The following SND1 variants were observed in gnomAD, a reference collection of about 807,000 sequenced individuals.
SND1 encodes staphylococcal nuclease and tudor domain containing 1, also known as staphylococcal nuclease domain-containing protein 1.
SND1 carries 38 observed loss-of-function variants against 121.7 expected under a neutral mutation model. The observed-to-expected ratio is 0.31, with a 90% confidence interval of 0.24 to 0.41. The LOEUF (loss-of-function observed/expected upper bound fraction) is 0.41, where lower values mean the gene tolerates loss of function less well. Among genes scored for constraint, SND1 ranks in the 10% least tolerant of loss-of-function variants. The pLI, the probability that SND1 is intolerant of heterozygous loss-of-function variation, is 1.00. For synonymous variants in SND1, 401 were observed against 447.4 expected (o/e 0.90, Z 1.31); for missense variants, 868 against 1,184.6 (o/e 0.73, Z 3.92).
intron 10 of SND1, among the ~76,000 whole-genome samples, chr7:127,795,549 C>T (rs941222128): frequency 1.3e-5 from 2 of 152,098 alleles, no homozygotes; most frequent in African/African-American, 2.4e-5. Context: ...TATATGTGTT[C>T]TGTAAGGATT....
At chr7:127,955,363 G>GAT (rs1801567703) in intron 15 of SND1, among the ~76,000 whole-genome samples, 1 of 152,116 alleles carries the variant, frequency 6.6e-6, no homozygotes, top group East Asian at 1.9e-4. Context: ...TTAGGGCACT[G>GAT]ATATATATCT....
intron 16 of SND1, among the ~76,000 whole-genome samples, chr7:128,000,297 A>G (rs1252818668): frequency 1.3e-5 from 2 of 152,022 alleles, no homozygotes; most frequent in African/African-American, 4.8e-5. Flanking sequence ...TGTTTTCAGA[A>G]GAACTTCTGA....
intron 9 of SND1, among the ~76,000 whole-genome samples, chr7:127,710,971 C>T (rs1257653794): frequency 6.6e-6 from 1 of 151,832 alleles, no homozygotes; most frequent in Non-Finnish European, 1.5e-5. Context: ...TTTTGTTTTC[C>T]CTGGAGTTAA....
chr7:127,913,980 C>T (rs1800514682), intron 14 of SND1, among the ~76,000 whole-genome samples: 1 of 152,206 alleles, frequency 6.6e-6, no homozygotes, highest in Non-Finnish European at 1.5e-5. Context: ...GCAGTGTTAA[C>T]ATCCAGATAT....
intron 1 of SND1, among the ~76,000 whole-genome samples, chr7:127,668,145 C>T (rs1241313337): frequency 6.6e-6 from 1 of 152,256 alleles, no homozygotes; most frequent in Non-Finnish European, 1.5e-5. Context: ...TGTAGACCCT[C>T]AGACCCTACC....
intron 16 of SND1, among the ~76,000 whole-genome samples, chr7:127,994,576 A>AC (rs1802597476): frequency 6.7e-6 from 1 of 148,458 alleles, no homozygotes; most frequent in Non-Finnish European, 1.5e-5. Flanking sequence ...AAAAAAAAAA[A>AC]AAAAAAAAAC....
At chr7:127,757,516 A>G (rs553820361) in intron 10 of SND1, among the ~76,000 whole-genome samples, 55 of 152,326 alleles carry the variant, frequency 3.6e-4, no homozygotes, top group Admixed American at 3.6e-3. Context: ...CAATGTTACT[A>G]TATGGAAAGT....
At chr7:127,812,653 C>T (rs1218047345) in intron 11 of SND1, among the ~76,000 whole-genome samples, 1 of 152,176 alleles carries the variant, frequency 6.6e-6, no homozygotes, top group African/African-American at 2.4e-5. Context: ...GAGAATAGAT[C>T]TCCGAAGGTA....
chr7:127,973,121 T>A (rs1802037644), intron 15 of SND1, among the ~76,000 whole-genome samples: 1 of 152,144 alleles, frequency 6.6e-6, no homozygotes, highest in Non-Finnish European at 1.5e-5. Context: ...GCAGCCCTGT[T>A]TAAGGAGGCT....
chr7:127,894,809 CTTT>C (rs11302537), intron 13 of SND1, among the ~76,000 whole-genome samples: 2 of 141,568 alleles, frequency 1.4e-5, no homozygotes. Flanking sequence ...CTCTTTATTC[CTTT>C]TTTTTTTTTT....
chr7:128,008,419 A>C (rs1425611014), intron 16 of SND1, among the ~76,000 whole-genome samples: 1 of 151,880 alleles, frequency 6.6e-6, no homozygotes, highest in Non-Finnish European at 1.5e-5. Flanking sequence ...GCCCGGAGGA[A>C]ACCAAGGAGT....
chr7:127,843,273 G>A (rs1798997571), intron 11 of SND1, among the ~76,000 whole-genome samples: 1 of 152,056 alleles, frequency 6.6e-6, no homozygotes, highest in African/African-American at 2.4e-5. Context: ...TAGGGTTTGT[G>A]CTTGGTGTTA....
intron 11 of SND1, among the ~76,000 whole-genome samples, chr7:127,834,505 T>C (rs1798829505): frequency 6.6e-6 from 1 of 152,216 alleles, no homozygotes; most frequent in African/African-American, 2.4e-5. Context: ...GGATGGTCTT[T>C]GATCGGTGTC....
chr7:127,826,917 A>G (rs953752158), intron 11 of SND1, among the ~76,000 whole-genome samples: 2 of 152,188 alleles, frequency 1.3e-5, no homozygotes, highest in Non-Finnish European at 2.9e-5. Context: ...TGTGTCATTC[A>G]TTTCTTTTAA....
At chr7:127,896,284 C>G (rs974786841) in intron 13 of SND1, among the ~76,000 whole-genome samples, 3 of 152,082 alleles carry the variant, frequency 2.0e-5, no homozygotes, top group Non-Finnish European at 4.4e-5. Context: ...TTCTTTCACA[C>G]AACCCAAAAT....
chr7:128,042,814 C>T (rs972344988), intron 16 of SND1, among the ~76,000 whole-genome samples: 4 of 152,238 alleles, frequency 2.6e-5, no homozygotes, highest in African/African-American at 9.6e-5. Context: ...CCACCACCAA[C>T]CCTGTCTTGT....
rs1318551798 is a variant in SND1 at position 128,081,482 on chromosome 7, C to T, written c.2091C>T (p.Tyr697=). 7.4e-6 allele frequency: 12 copies of T among 1,614,000 alleles called. No homozygotes were observed. The highest frequency in any genetic ancestry group is 1.3e-5 in the African/African-American group (1 of 75,058). The part of the protein sequence containing the change: ...VTEITDDLHF[Y]VQDVETGTQL... ...AGATCACTGATGACCTGCACTTCTA[C>T]GTGCAGGATGTGGAGACCGGTGAGT... is the stretch of plus-strand genomic sequence containing the variant. Residue 697 remains tyrosine, a synonymous_variant, in exon 18 of 24, where the codon TAC becomes TAT. Transcript: ENST00000354725.
At chr7:127,891,901 A>G (rs949070086) in intron 13 of SND1, among the ~76,000 whole-genome samples, 4 of 152,156 alleles carry the variant, frequency 2.6e-5, no homozygotes, top group African/African-American at 7.2e-5. Context: ...AGCCAAATTC[A>G]TAACATCTGC....
At chr7:127,729,141 T>C (rs1796630725) in intron 10 of SND1, among the ~76,000 whole-genome samples, 1 of 152,192 alleles carries the variant, frequency 6.6e-6, no homozygotes. Flanking sequence ...GGATTTTAAG[T>C]GCTTTTGAAG....
Sources: allele counts gnomAD v4.1 joint callset (sites outside exome capture counted in the v4.1 genomes callset), GRCh38; gene constraint gnomAD v4.1.1; transcripts MANE v1.5; gene names NCBI Gene and HGNC (gene_info 2026-07-23, HGNC 2026-07-21).